A2ML1: variants seen among roughly 807,000 people sequenced by gnomAD.
The protein encoded by A2ML1 is alpha-2-macroglobulin-like protein 1.
Under a neutral mutation model 181.9 loss-of-function variants are expected in A2ML1, and 161 were observed. That is an observed-to-expected ratio of 0.89 (90% confidence interval 0.78 to 1.01). A2ML1 has a LOEUF of 1.01. A2ML1 is among the 50% of genes least tolerant of loss of function. The pLI, the probability that A2ML1 is intolerant of heterozygous loss-of-function variation, is 0.00. For missense variants in A2ML1, 1,670 were observed against 1,768.1 expected, an observed-to-expected ratio of 0.94 and a Z score of 1.00; for synonymous variants, 663 against 666.8, an observed-to-expected ratio of 0.99 and a Z score of 0.09.
At chr12:8,885,578 C>T (rs1294853590) in intron 7 of A2ML1, among the ~76,000 whole-genome samples, 1 of 152,088 alleles carries the variant, frequency 6.6e-6, no homozygotes, top group Non-Finnish European at 1.5e-5. Flanking sequence ...CCACCTCAGC[C>T]TCCTGAATAG....
chr12:8,835,698 G>C, intron 6 of A2ML1, 32 bp downstream of exon 6: 1 of 1,610,700 alleles, frequency 6.2e-7, no homozygotes, highest in Non-Finnish European at 8.5e-7. Context: ...CCAAAGTATT[G>C]GGCATAATCT....
At chr12:8,834,536 A>G in intron 4 of A2ML1, 126 bp from the exon 5 acceptor site, 1 of 1,187,756 alleles carries the variant, frequency 8.4e-7, no homozygotes, top group African/African-American at 1.5e-5. Context: ...AGCCATTTAG[A>G]AAGGAAGAAA....
At chr12:8,858,379 T>G in intron 26 of A2ML1, 1 of 290,804 alleles carries the variant, frequency 3.4e-6, no homozygotes, top group South Asian at 8.8e-5. Flanking sequence ...GCCCAGGAGT[T>G]TGAGACCACC....
chr12:8,879,384 G>A (rs537510008), downstream of A2ML1, among the ~76,000 whole-genome samples: 3 of 151,604 alleles, frequency 2.0e-5, no homozygotes, highest in Admixed American at 6.6e-5. Context: ...CCAGCTACTC[G>A]GGAGGCTGAG....
At chr12:8,885,360 ACAAAAT>A (rs1276736381) in intron 7 of A2ML1, among the ~76,000 whole-genome samples, 5 of 152,172 alleles carry the variant, frequency 3.3e-5, no homozygotes. Context: ...AGCTGTCTCT[ACAAAAT>A]CAAAATCAAA....
intron 29 of A2ML1, among the ~76,000 whole-genome samples, chr12:8,865,400 G>A (rs763412862): frequency 2.0e-5 from 3 of 152,258 alleles, no homozygotes; most frequent in South Asian, 2.1e-4. Context: ...TTAGCCAGGC[G>A]TGGTGGCGGG....
chr12:8,842,415 T>A (rs908416018), intron 11 of A2ML1, among the ~76,000 whole-genome samples: 12 of 152,018 alleles, frequency 7.9e-5, no homozygotes, highest in Non-Finnish European at 1.6e-4. Flanking sequence ...GAGATGGGGT[T>A]TCACTGTGTT....
chr12:8,855,686 A>G (rs1944041415), intron 23 of A2ML1, 94 bp downstream of exon 23: 1 of 1,144,152 alleles, frequency 8.7e-7, no homozygotes, highest in Non-Finnish European at 1.3e-6. Flanking sequence ...CTATCCGGAG[A>G]GTGTAACTAA....
chr12:8,833,418 G>A lies in A2ML1; in HGVS notation c.463-1244G>A, dbSNP rs184458958. Among the ~76,000 whole-genome samples, 70 of 152,192 alleles carry A rather than the reference G, an allele frequency of 4.6e-4. No individual in the cohort carries two copies. In the East Asian group the frequency reaches 0.013, roughly 29 times the overall value. ...TTTTGTTGTTGTTGTTTTGTATTTT[G>A]TTTTTGAGTTACTTTGTCACCCAGG... On this transcript the variant is annotated intron_variant, in intron 4 of 35. Coordinates refer to ENST00000299698, the MANE Select transcript of A2ML1 (RefSeq NM_144670.6).
At position 8,864,257 on chromosome 12, in the gene A2ML1, C is replaced by A. The variant is rs61919496; in HGVS notation, c.3717+249C>A. ...GCCGGGCATGGTGGCTCATGCCTGT[C>A]ATCGCAGCACTTTGAGAGGCCGAGG... On this transcript the variant is annotated intron_variant, in intron 29 of 35. Coordinates refer to ENST00000299698, the MANE Select transcript of A2ML1 (RefSeq NM_144670.6). Among the ~76,000 whole-genome samples, 113,141 of 121,028 alleles carry A rather than the reference C, an allele frequency of 0.93. 53,584 individuals carry two copies. The highest frequency in any genetic ancestry group is 1 in the East Asian group (4,202 of 4,202). 79.4% of individuals were successfully genotyped at this position (121,028 alleles called of 152,430 possible).
At chr12:8,860,584 C>G (rs1330347363) in intron 26 of A2ML1, among the ~76,000 whole-genome samples, 1 of 151,970 alleles carries the variant, frequency 6.6e-6, no homozygotes, top group Non-Finnish European at 1.5e-5. Flanking sequence ...TTCTTTAAAG[C>G]TCTTACCCTT....
intron 7 of A2ML1, among the ~76,000 whole-genome samples, chr12:8,885,896 C>T (rs1944916846): frequency 1.3e-5 from 2 of 152,038 alleles, no homozygotes; most frequent in Non-Finnish European, 2.9e-5. Flanking sequence ...ATCCTTTTCC[C>T]ACTACATTAC....
At chr12:8,868,672 C>G (rs748741824) in intron 32 of A2ML1, 45 bp downstream of exon 32, 8 of 1,550,980 alleles carry the variant, frequency 5.2e-6, no homozygotes, top group South Asian at 4.6e-5. Context: ...GTGAGGGGAC[C>G]TAACGTTATA....
rs765008776 is a variant in A2ML1 at position 8,845,493 on chromosome 12, A to G, written c.1528A>G (p.Lys510Glu). ...VMEGQKHLNS[K>E]KKGLKASFSL... ...GGAGGGGCAGAAACACCTGAACTCTAAGAAGAAAGGTGAGTGTACATGCTT... is the reference window on the plus strand; with the variant it reads ...GGAGGGGCAGAAACACCTGAACTCTGAGAAGAAAGGTGAGTGTACATGCTT... The change falls in exon 13 of 36, where the codon AAG becomes GAG. Residue 510 changes from lysine (K) to glutamate (E), a missense_variant. By Grantham distance (56) the Lys-to-Glu change is moderately conservative. Coordinates refer to ENST00000299698, the MANE Select transcript of A2ML1 (RefSeq NM_144670.6). The G allele has an allele frequency of 1.9e-6, 3 of 1,614,166 alleles. No homozygotes were observed. Among genetic ancestry groups the G allele is most frequent in the South Asian group, 1.1e-5 (1 of 91,086 alleles).
chr12:8,884,794 T>C (rs187852891), intron 7 of A2ML1, among the ~76,000 whole-genome samples: 1 of 152,314 alleles, frequency 6.6e-6, no homozygotes, highest in Non-Finnish European at 1.5e-5. Context: ...TGTTTCTGCA[T>C]TAGTTTGCTG....
chr12:8,856,141 T>C (rs1161809289), intron 23 of A2ML1, among the ~76,000 whole-genome samples: 1 of 152,192 alleles, frequency 6.6e-6, no homozygotes, highest in Non-Finnish European at 1.5e-5. Flanking sequence ...GGTGTAAAGA[T>C]TAAATGCAAT....
intron 31 of A2ML1, 88 bp from the exon 32 acceptor site, chr12:8,868,449 T>TGTAC: frequency 1.3e-6 from 2 of 1,491,000 alleles, no homozygotes; most frequent in Non-Finnish European, 1.8e-6. Flanking sequence ...TGTGTATGTG[T>TGTAC]GTGTGTACGT....
At chr12:8,838,189 A>G in intron 8 of A2ML1, 147 bp from the exon 9 acceptor site, 1 of 546,904 alleles carries the variant, frequency 1.8e-6, no homozygotes, top group East Asian at 3.0e-5. Context: ...GTGCAAGTGT[A>G]TACTTCATGT....
intron 13 of A2ML1, among the ~76,000 whole-genome samples, chr12:8,845,815 G>A (rs11047555): frequency 2.4e-4 from 35 of 147,760 alleles, no homozygotes; most frequent in African/African-American, 3.5e-4. Flanking sequence ...ATGCCACTGC[G>A]CTCCAGCCTG....
Sources: allele counts gnomAD v4.1 joint callset (sites outside exome capture counted in the v4.1 genomes callset), GRCh38; gene constraint gnomAD v4.1.1; transcripts MANE v1.5; gene names NCBI Gene and HGNC (gene_info 2026-07-23, HGNC 2026-07-21).